The following ZNF292 variants were observed in gnomAD, a reference collection of about 807,000 sequenced individuals.
ZNF292 encodes the protein 16 zinc-finger domain protein.
In ZNF292, 26 loss-of-function variants were observed where a neutral mutation model predicts 217.9. The observed-to-expected ratio is 0.12, with a 90% CI of 0.09 to 0.17. The LOEUF (loss-of-function observed/expected upper bound fraction) is 0.17. Among genes scored for constraint, ZNF292 ranks in the 10% least tolerant of loss-of-function variants. The pLI, the probability that ZNF292 is intolerant of heterozygous loss-of-function variation, is 1.00. For missense variants in ZNF292, 2,904 were observed against 3,175.2 expected, an observed-to-expected ratio of 0.91 and a Z score of 2.05; for synonymous variants, 1,257 against 1,124.1, an observed-to-expected ratio of 1.12 and a Z score of -2.37.
At chr6:87,245,753 C>G (rs1333604622) in intron 7 of ZNF292, 109 bp downstream of exon 7, 1 of 688,898 alleles carries the variant, frequency 1.5e-6, no homozygotes, top group Non-Finnish European at 2.2e-6. Flanking sequence ...TAAATTTTTT[C>G]AGTTAGTCCT....
At position 87,216,299 on chromosome 6, in the gene ZNF292, A is replaced by G. The variant is rs763189933; in HGVS notation, c.324A>G (p.Leu108=). 3.0e-5 allele frequency: 47 copies of G among 1,571,980 alleles called. No homozygotes were observed. The East Asian group carries it at 1.1e-3, about 35-fold the overall frequency. The change falls in exon 3 of 8, where the codon TTA becomes TTG. Residue 108 remains leucine, a splice_region_variant and synonymous_variant. Coordinates refer to ENST00000369577, the MANE Select transcript of ZNF292 (RefSeq NM_015021.3). ...NVALVLERLA[L]SCVELLLCLP... is the part of the protein sequence containing the mutation. ...TCCTTACCAACTTTTTGTTTTTTAG[A>G]AGCTGTGTTGAACTTTTACTGTGTC...
intron 1 of ZNF292, among the ~76,000 whole-genome samples, chr6:87,201,018 A>G (rs566851758): frequency 6.6e-6 from 1 of 152,310 alleles, no homozygotes; most frequent in East Asian, 1.9e-4. Context: ...AGATTATTGG[A>G]TTTCATCACA....
Position 87,165,757 on chromosome 6 carries a change from C to CTTT in ZNF292, c.168+10014_168+10016dup, listed in dbSNP as rs71014998. Among the ~76,000 whole-genome samples the CTTT allele has an allele frequency of 9.2e-3, 1,213 of 131,240 alleles. 34 individuals carry two copies. The highest frequency in any genetic ancestry group is 0.03 in the African/African-American group (1,068 of 35,244). The allele number at this position is 131,240 out of a possible 152,430, so 86.1% of individuals were successfully genotyped here. A position where few individuals can be genotyped will look rare whatever the true frequency, so the allele number is the denominator to read the frequency against. Reference sequence around the variant, plus strand: ...AAAATTAAAATACATGTTTACATTTCTTTTTTTTTTTTTTTTTTGACATAG... The same window carrying CTTT: ...AAAATTAAAATACATGTTTACATTTCTTTTTTTTTTTTTTTTTTTTTGACATAG... On this transcript the variant is annotated intron_variant, in intron 1 of 7. Transcript: ENST00000369577.
chr6:87,240,095 A>G (rs889612327), intron 5 of ZNF292, among the ~76,000 whole-genome samples: 3 of 152,170 alleles, frequency 2.0e-5, no homozygotes, highest in South Asian at 2.1e-4. Flanking sequence ...TCCATCTGCA[A>G]TCCCGGCACC....
chr6:87,231,762 A>G (rs940696802), intron 4 of ZNF292, among the ~76,000 whole-genome samples: 1 of 152,172 alleles, frequency 6.6e-6, no homozygotes, highest in African/African-American at 2.4e-5. Flanking sequence ...TTTCTTCACC[A>G]TGATCTTTTA....
rs1775340313 is a variant in ZNF292 at position 87,258,146 on chromosome 6, C to T, written c.4517C>T (p.Ala1506Val). ...GGCATTCCCAGTACATTTGAGGGTG[C>T]CGAAATGCTTTCTCATGTTTCAACA... ...TAGIPSTFEG[A>V]EMLSHVSTGC... Residue 1506 changes from alanine to valine, a missense_variant, in exon 8 of 8, where the codon GCC becomes GTC. Transcript: ENST00000369577. 6.2e-7 allele frequency: 1 copy of T among 1,611,836 alleles called. No homozygotes were observed. Among genetic ancestry groups the T allele is most frequent in the Admixed American group, 1.7e-5 (1 of 59,602 alleles).
At chr6:87,217,175 T>A (rs988515857) in intron 3 of ZNF292, among the ~76,000 whole-genome samples, 1 of 152,052 alleles carries the variant, frequency 6.6e-6, no homozygotes, top group Non-Finnish European at 1.5e-5. Flanking sequence ...GTAAGAAATA[T>A]ATTAAAGAGG....
Position 87,258,392 on chromosome 6 carries a change from C to A in ZNF292, c.4763C>A (p.Ser1588Ter), listed in dbSNP as rs754702188. ...GTTGAAAATGGTTTGTGCTCTAGTT[C>A]ATTTCCTAATTCTGGTGGGCCATCA... ...KTVENGLCSS[S>*]FPNSGGPSQN... Residue 1588 changes from serine (S) to a stop codon, truncating the protein, a stop_gained, in exon 8 of 8, where the codon TCA becomes TAA. Transcript: ENST00000369577. LOFTEE classifies it high-confidence loss of function. The A allele has an allele frequency of 6.2e-7, 1 of 1,613,648 alleles. No individual in the cohort carries two copies. Among genetic ancestry groups the A allele is most frequent in the Non-Finnish European group, 8.5e-7 (1 of 1,179,784 alleles).
At chr6:87,250,630 T>C (rs1774876450) in intron 7 of ZNF292, among the ~76,000 whole-genome samples, 1 of 152,216 alleles carries the variant, frequency 6.6e-6, no homozygotes, top group Admixed American at 6.5e-5. Flanking sequence ...ATGCAAATAC[T>C]ATGCCATTTT....
intron 1 of ZNF292, among the ~76,000 whole-genome samples, chr6:87,189,741 G>A (rs1269841817): frequency 6.6e-6 from 1 of 151,708 alleles, no homozygotes; most frequent in Non-Finnish European, 1.5e-5. Context: ...TTACCTGGCT[G>A]GTTTAATACT....
At chr6:87,201,069 ATGATATAAAGGCAACATACT>A (rs1772086445) in intron 1 of ZNF292, among the ~76,000 whole-genome samples, 1 of 152,184 alleles carries the variant, frequency 6.6e-6, no homozygotes, top group Non-Finnish European at 1.5e-5. Flanking sequence ...TGGGAGAGAG[ATGATATAAAGGCAACATACT>A]CAGAAGTAAA....
chr6:87,155,659 A>C lies in ZNF292; in HGVS notation c.68A>C (p.Gln23Pro), dbSNP rs201296869. The change falls in exon 1 of 8, where the codon CAG (glutamine) becomes CCG (proline). Residue 23 changes from glutamine (Q) to proline (P), a missense_variant. Around this residue, in one of 15 missense-constraint regions of ZNF292, gnomAD observed 66 missense variants for 44.1 expected, o/e 1.50. Transcript: ENST00000369577. ...GAAGGCGGCTGCGTCGCGGAGCTGC[A>C]GCGCCTGGGCGAGCGGCTCCAGGAG... ...CGEGGCVAEL[Q>P]RLGERLQELE... 7.2e-4 allele frequency: 1,134 copies of C among 1,584,148 alleles called. No homozygotes were observed. The highest frequency in any genetic ancestry group is 9.3e-4 in the Non-Finnish European group (1,089 of 1,167,084).
At position 87,261,247 on chromosome 6, in the gene ZNF292, T is replaced by G. The variant is rs1562196158; in HGVS notation, c.7618T>G (p.Ser2540Ala). The G allele has an allele frequency of 6.2e-7, 1 of 1,610,058 alleles. No homozygotes were observed. ...GAGAGTTAATAAGGAAAAAAATGTC[T>G]CACAAAATAAAAAAAGGAAAGTTGA... ...LKRVNKEKNV[S>A]QNKKRKVEKA... Residue 2540 changes from serine to alanine, a missense_variant, in exon 8 of 8, where the codon TCA becomes GCA. By Grantham distance (99) the Ser-to-Ala change is moderately conservative. This residue lies in a region of ZNF292 where 380 missense variants were observed against 355.3 expected (regional missense o/e 1.07). Coordinates refer to ENST00000369577, the MANE Select transcript of ZNF292 (RefSeq NM_015021.3).
intron 7 of ZNF292, among the ~76,000 whole-genome samples, chr6:87,253,087 T>TC (rs1775013700): frequency 6.6e-6 from 1 of 151,764 alleles, no homozygotes; most frequent in Non-Finnish European, 1.5e-5. Flanking sequence ...TTTTTCTTTT[T>TC]TTTTTGATAG....
At chr6:87,236,679 T>C (rs1049832280) in intron 5 of ZNF292, among the ~76,000 whole-genome samples, 1 of 152,210 alleles carries the variant, frequency 6.6e-6, no homozygotes, top group African/African-American at 2.4e-5. Flanking sequence ...GTAATTATTA[T>C]TAAGATTAAA....
At position 87,257,464 on chromosome 6, in the gene ZNF292, G is replaced by A. The variant is rs753979965; in HGVS notation, c.3835G>A (p.Ala1279Thr). ...TTCAATGTCTCTCTTCCCTTCACCAGCAGATAGTGGGACTAATTCTGTTTT... is the reference window on the plus strand; with the variant it reads ...TTCAATGTCTCTCTTCCCTTCACCAACAGATAGTGGGACTAATTCTGTTTT... ...SSSMSLFPSP[A>T]DSGTNSVFSQ... The change falls in exon 8 of 8, where the codon GCA becomes ACA. Residue 1279 changes from alanine to threonine, a missense_variant. By Grantham distance (58) the Ala-to-Thr change is moderately conservative. Transcript: ENST00000369577. 5.6e-6 allele frequency: 9 copies of A among 1,613,148 alleles called. No individual in the cohort carries two copies. Among genetic ancestry groups the A allele is most frequent in the Admixed American group, 5.0e-5 (3 of 59,834 alleles).
At position 87,211,815 on chromosome 6, in the gene ZNF292, C is replaced by T. The variant is rs147904311; in HGVS notation, c.169-4088C>T. On this transcript the variant is annotated intron_variant, in intron 1 of 7. Coordinates refer to ENST00000369577, the MANE Select transcript of ZNF292 (RefSeq NM_015021.3). ...TGCAGGAAGACATTTAGGTTTTGTT[C>T]CTTGTCTTTTCCCCTCTATGCCATC... Among the ~76,000 whole-genome samples, 550 of 152,240 alleles carry T rather than the reference C, an allele frequency of 3.6e-3. 2 individuals carry two copies. Among genetic ancestry groups the T allele is most frequent in the African/African-American group, 0.013 (529 of 41,522 alleles).
chr6:87,156,801 G>C (rs1455513730), intron 1 of ZNF292, among the ~76,000 whole-genome samples: 1 of 152,234 alleles, frequency 6.6e-6, no homozygotes, highest in African/African-American at 2.4e-5. Context: ...GAAAATCGGA[G>C]AGTTTGGGAC....
chr6:87,183,519 C>T (rs1771534991), intron 1 of ZNF292, among the ~76,000 whole-genome samples: 1 of 152,090 alleles, frequency 6.6e-6, no homozygotes, highest in African/African-American at 2.4e-5. Context: ...ATCAAAATCC[C>T]TAATGTCTGA....
Sources: allele counts gnomAD v4.1 joint callset (sites outside exome capture counted in the v4.1 genomes callset), GRCh38; gene constraint gnomAD v4.1.1; regional missense constraint gnomAD v4.1.1; transcripts MANE v1.5; gene names NCBI Gene and HGNC (gene_info 2026-07-23, HGNC 2026-07-21).